The following IGFL4 variants were observed in gnomAD, a reference collection of about 807,000 sequenced individuals.
The protein encoded by IGFL4 is insulin growth factor-like family member 4.
In IGFL4, 12 loss-of-function variants were observed where a neutral mutation model predicts 15.4. That is an observed-to-expected ratio of 0.78 (90% CI 0.50 to 1.26). IGFL4 has a LOEUF of 1.26. Among genes scored for constraint, IGFL4 ranks in the 50% most tolerant of loss-of-function variants. The probability of loss-of-function intolerance (pLI) is 0.00; values close to 1 mark genes in which losing one functional copy is unlikely to be tolerated. For missense variants in IGFL4, 126 were observed against 147.8 expected (o/e 0.85, Z 0.76); for synonymous variants, 54 against 55.9 (o/e 0.97, Z 0.16).
At chr19:46,056,615 T>C (rs182851208) in intron 2 of IGFL4, among the ~76,000 whole-genome samples, 5 of 152,262 alleles carry the variant, frequency 3.3e-5, no homozygotes, top group Admixed American at 2.6e-4. Flanking sequence ...GGTCAAGAAT[T>C]GTTGGATGCT....
upstream of IGFL4, among the ~76,000 whole-genome samples, chr19:46,044,814 T>G (rs924087522): frequency 2.6e-5 from 4 of 152,200 alleles, no homozygotes; most frequent in Admixed American, 2.0e-4. Flanking sequence ...GGTGACACCT[T>G]CAGGTACGGG....
intron 2 of IGFL4, among the ~76,000 whole-genome samples, chr19:46,053,649 A>C (rs1169753898): frequency 6.6e-6 from 1 of 152,180 alleles, no homozygotes; most frequent in Non-Finnish European, 1.5e-5. Flanking sequence ...CAGTAGTAGG[A>C]TTGCTGGATG....
At position 46,040,093 on chromosome 19, in the gene IGFL4, T is replaced by G. The variant is rs1969222098; in HGVS notation, c.330+64A>C. ...AGAGACTGCACATCTGGGTGGGACA[T>G]GGACAACCAAGCTCCATTCCCTACT... is the stretch of plus-strand genomic sequence containing the variant. On this transcript the variant is annotated intron_variant, in intron 3 of 3. Coordinates refer to ENST00000377697, the MANE Select transcript of IGFL4 (RefSeq NM_001002923.3). The surrounding 1 kb of genome is among the most constrained non-coding windows in gnomAD (Gnocchi z 4.1). The G allele has an allele frequency of 6.3e-7, 1 of 1,596,588 alleles. No homozygotes were observed. Among genetic ancestry groups the G allele is most frequent in the Non-Finnish European group, 8.6e-7 (1 of 1,166,800 alleles).
At chr19:46,075,310 T>C (rs982411998) in intron 1 of IGFL4, among the ~76,000 whole-genome samples, 5 of 152,234 alleles carry the variant, frequency 3.3e-5, no homozygotes, top group African/African-American at 1.2e-4. Context: ...CAGAATCCTA[T>C]TCAGGACACA....
At position 46,075,059 on chromosome 19, in the gene IGFL4, A is replaced by C. The variant is rs182833538; in HGVS notation, c.-432+1961T>G. 3.6e-5 allele frequency among the ~76,000 whole-genome samples: 5 copies of C among 139,532 alleles called. No individual in the cohort carries two copies. The East Asian group carries it at 1.0e-3, about 29-fold the overall frequency. 91.5% of individuals were successfully genotyped at this position (139,532 alleles called of 152,430 possible). A position where few individuals can be genotyped will look rare whatever the true frequency, so the allele number is the denominator to read the frequency against. ...AATTTGTGGCTATCTTAAACCTACC[A>C]CTTAGAGTTTTCAATAGTTTAAAGA... On this transcript the variant is annotated intron_variant, in intron 1 of 5. Coordinates refer to the IGFL4 transcript ENST00000601672.
intron 2 of IGFL4, chr19:46,058,872 AG>A (rs979193700): frequency 2.6e-5 from 4 of 152,190 alleles, no homozygotes; most frequent in African/African-American, 7.2e-5. Context: ...TCATATCACA[AG>A]GGGTGGATTA....
chr19:46,045,424 CAA>C (rs1199698057), upstream of IGFL4, among the ~76,000 whole-genome samples: 2 of 127,346 alleles, frequency 1.6e-5, no homozygotes, highest in African/African-American at 6.2e-5. Context: ...GCCTGGGTGA[CAA>C]GAGTGAAACT....
In IGFL4 at chr19:46,040,054, G is replaced by T; in HGVS notation, c.330+103C>A. On this transcript the variant is annotated intron_variant, in intron 3 of 3. Transcript: ENST00000377697. This position sits in a 1 kb window ranked among gnomAD's most constrained non-coding sequence, Gnocchi z 4.1. ...TGCATGGTTACTGAGAGATGGGAAG[G>T]TATGGAACCCAGCAGAGACTGCACA... The T allele has an allele frequency of 1.3e-6, 2 of 1,522,898 alleles. No individual in the cohort carries two copies. Among genetic ancestry groups the T allele is most frequent in the Non-Finnish European group, 1.8e-6 (2 of 1,098,634 alleles). The allele number at this position is 1,522,898 out of a possible 1,614,324, so 94.3% of individuals were successfully genotyped here.
upstream of IGFL4, among the ~76,000 whole-genome samples, chr19:46,042,558 G>A (rs114440867): frequency 0.011 from 1,625 of 152,274 alleles, 25 homozygotes; most frequent in African/African-American, 0.037. Flanking sequence ...AAAATCCCAC[G>A]GAACCCACTG....
At chr19:46,061,416 A>C (rs1969443803) in intron 1 of IGFL4, among the ~76,000 whole-genome samples, 1 of 152,194 alleles carries the variant, frequency 6.6e-6, no homozygotes. Flanking sequence ...TATAAACATT[A>C]CACACAACAC....
At chr19:46,063,389 T>A (rs997445122) in intron 1 of IGFL4, among the ~76,000 whole-genome samples, 1 of 151,626 alleles carries the variant, frequency 6.6e-6, no homozygotes, top group Non-Finnish European at 1.5e-5. Context: ...TCTGTCCTCT[T>A]TTATGTCATC....
upstream of IGFL4, among the ~76,000 whole-genome samples, chr19:46,043,738 T>C (rs976982075): frequency 2.0e-5 from 3 of 151,276 alleles, no homozygotes; most frequent in African/African-American, 7.3e-5. Flanking sequence ...GGCATGCATA[T>C]GAAAAAAAAA....
intron 2 of IGFL4, among the ~76,000 whole-genome samples, chr19:46,049,227 G>A (rs1254859427): frequency 1.3e-5 from 2 of 152,192 alleles, no homozygotes; most frequent in Admixed American, 1.3e-4. Context: ...TTTTCTCCAA[G>A]AACAACCACA....
At chr19:46,063,878 C>A (rs764543400) in intron 1 of IGFL4, among the ~76,000 whole-genome samples, 25 of 152,234 alleles carry the variant, frequency 1.6e-4, no homozygotes, top group Non-Finnish European at 3.1e-4. Context: ...ATAAGTGATT[C>A]TCCTTAAATG....
intron 1 of IGFL4, among the ~76,000 whole-genome samples, chr19:46,064,595 G>A (rs551778673): frequency 6.6e-6 from 1 of 152,020 alleles, no homozygotes; most frequent in African/African-American, 2.4e-5. Context: ...TCTGTGTCTG[G>A]CTTATTTCAC....
At chr19:46,072,910 A>G (rs1355038313) in intron 1 of IGFL4, among the ~76,000 whole-genome samples, 6 of 152,130 alleles carry the variant, frequency 3.9e-5, no homozygotes, top group Non-Finnish European at 8.8e-5. Context: ...TTTGGCCATG[A>G]GTTAAACCCC....
At chr19:46,044,263 G>A (rs1261578654), upstream of IGFL4, among the ~76,000 whole-genome samples, 7 of 152,142 alleles carry the variant, frequency 4.6e-5, no homozygotes, top group Admixed American at 4.6e-4. Flanking sequence ...TGGCAGAGCG[G>A]CCACAGGGGC....
chr19:46,062,568 A>G (rs1371179230), intron 1 of IGFL4, among the ~76,000 whole-genome samples: 1 of 152,212 alleles, frequency 6.6e-6, no homozygotes, highest in Non-Finnish European at 1.5e-5. Context: ...GTACTGCCAC[A>G]TCGTTACAAG....
chr19:46,068,363 T>A (rs1040470543), intron 1 of IGFL4, among the ~76,000 whole-genome samples: 2 of 152,240 alleles, frequency 1.3e-5, no homozygotes, highest in African/African-American at 4.8e-5. Flanking sequence ...GCTCTGAGTG[T>A]CGAATCTCAT....
Sources: allele counts gnomAD v4.1 joint callset (sites outside exome capture counted in the v4.1 genomes callset), GRCh38; gene constraint gnomAD v4.1.1; non-coding constraint Gnocchi (gnomAD v3.1); transcripts MANE v1.5; gene names NCBI Gene and HGNC (gene_info 2026-07-23, HGNC 2026-07-21).